AEBP2: variants seen among roughly 807,000 people sequenced by gnomAD.
AEBP2 encodes zinc finger protein AEBP2.
In AEBP2, 10 loss-of-function variants were observed where a neutral mutation model predicts 50.8. The ratio of observed to expected loss-of-function variants is 0.20; its 90% CI spans 0.12 to 0.33. The LOEUF is 0.33. Ranked by LOEUF, AEBP2 falls within the 10% of genes least tolerant of loss-of-function variation. The pLI is 1.00. For synonymous variants in AEBP2, 296 were observed against 261.3 expected, an observed-to-expected ratio of 1.13 and a Z score of -1.28; for missense variants, 570 against 688.0, an observed-to-expected ratio of 0.83 and a Z score of 1.92.
chr12:19,429,080 A>G (rs2095750081), intron 1 of AEBP2, among the ~76,000 whole-genome samples: 1 of 151,928 alleles, frequency 6.6e-6, no homozygotes, highest in South Asian at 2.1e-4. Context: ...GCATCTATTA[A>G]CTCGTCATTT....
chr12:19,442,445 T>TTA (rs1190382618), intron 1 of AEBP2, among the ~76,000 whole-genome samples: 1 of 152,172 alleles, frequency 6.6e-6, no homozygotes, highest in East Asian at 1.9e-4. Flanking sequence ...AGTTTTGTTT[T>TTA]TAGTTAGTGT....
In AEBP2 at chr12:19,439,600, C is replaced by G. The variant is rs1271476131; in HGVS notation, c.-100C>G. On this transcript the variant is annotated 5_prime_UTR_variant, in exon 1 of 8. Transcript: ENST00000266508. ...CCCTCCTCCTGCTCTGCAGCGGCGT[C>G]GGCGGAGTTTTGGGCGTTTGGGAGG... is the stretch of plus-strand genomic sequence containing the variant. 1 of 1,417,802 alleles carries G rather than the reference C, an allele frequency of 7.1e-7. No homozygotes were observed. Among genetic ancestry groups the G allele is most frequent in the Non-Finnish European group, 9.3e-7 (1 of 1,071,958 alleles). 87.8% of individuals were successfully genotyped at this position (1,417,802 alleles called of 1,614,324 possible). A position where few individuals can be genotyped will look rare whatever the true frequency, so the allele number is the denominator to read the frequency against.
rs755977796 is a variant in AEBP2, at chr12:19,481,647, T to G, written c.987+8292T>G. 1.2e-3 allele frequency among the ~76,000 whole-genome samples: 183 copies of G among 152,148 alleles called. 1 individual carries two copies. Among genetic ancestry groups the G allele is most frequent in the Non-Finnish European group, 2.3e-3 (159 of 68,002 alleles). On this transcript the variant is annotated intron_variant, in intron 3 of 7. Transcript: ENST00000266508. Reference sequence around the variant, plus strand: ...GCACTTGCCAACATGCCTGGCTAAATTTTGTATTTTTAGTAGAGACGGGGT... The same window carrying G: ...GCACTTGCCAACATGCCTGGCTAAAGTTTGTATTTTTAGTAGAGACGGGGT...
At chr12:19,420,711 G>C (rs1339336629) in intron 1 of AEBP2, among the ~76,000 whole-genome samples, 1 of 151,926 alleles carries the variant, frequency 6.6e-6, no homozygotes, top group African/African-American at 2.4e-5. Flanking sequence ...TCCAATTTAC[G>C]TTCCATGTCC....
chr12:19,453,069 C>T (rs1300172944), intron 1 of AEBP2, among the ~76,000 whole-genome samples: 13 of 148,978 alleles, frequency 8.7e-5, no homozygotes, highest in Admixed American at 3.4e-4. Flanking sequence ...CCCAGGTTCA[C>T]GCCATTCTCC....
At chr12:19,451,168 T>C (rs1456626629) in intron 1 of AEBP2, among the ~76,000 whole-genome samples, 1 of 152,210 alleles carries the variant, frequency 6.6e-6, no homozygotes, top group Non-Finnish European at 1.5e-5. Context: ...TTTAGTAGTT[T>C]AAAACGACAG....
intron 5 of AEBP2, among the ~76,000 whole-genome samples, chr12:19,504,495 C>T (rs377211957): frequency 7.9e-5 from 12 of 152,138 alleles, no homozygotes; most frequent in African/African-American, 2.9e-4. Context: ...CCACCTCGGC[C>T]TCCCAAAGCC....
At chr12:19,492,662 G>A (rs921166211) in intron 3 of AEBP2, among the ~76,000 whole-genome samples, 2 of 152,036 alleles carry the variant, frequency 1.3e-5, no homozygotes, top group Non-Finnish European at 2.9e-5. Flanking sequence ...TGAAGTTTAA[G>A]AAATTTATAA....
At chr12:19,489,064 C>T (rs557735985) in intron 3 of AEBP2, among the ~76,000 whole-genome samples, 11 of 152,310 alleles carry the variant, frequency 7.2e-5, no homozygotes, top group African/African-American at 2.6e-4. Context: ...GCTGGGATTA[C>T]AGGCGTGAGC....
chr12:19,518,501 A>G lies in AEBP2; in HGVS notation c.*384A>G, dbSNP rs2120647994. 3 of 1,250,928 alleles carry G rather than the reference A, an allele frequency of 2.4e-6. No homozygotes were observed. Among genetic ancestry groups the G allele is most frequent in the African/African-American group, 1.5e-5 (1 of 64,684 alleles). 77.5% of individuals were successfully genotyped at this position (1,250,928 alleles called of 1,614,324 possible). The stretch of plus-strand genomic sequence containing the variant: ...GTTTATATTGGAAAGAAAAACAATT[A>G]CAACATGTGCCCTTACAAATACCAA... On this transcript the variant is annotated 3_prime_UTR_variant, in exon 8 of 8. Coordinates refer to ENST00000266508, the MANE Select transcript of AEBP2 (RefSeq NM_153207.5).
chr12:19,493,062 G>A (rs975799585), intron 3 of AEBP2, among the ~76,000 whole-genome samples: 3 of 152,150 alleles, frequency 2.0e-5, no homozygotes, highest in Admixed American at 2.0e-4. Context: ...TGTAACACTA[G>A]GAAGTCTGCT....
intron 1 of AEBP2, among the ~76,000 whole-genome samples, chr12:19,450,955 A>G (rs969137900): frequency 2.0e-5 from 3 of 150,084 alleles, no homozygotes; most frequent in African/African-American, 7.4e-5. Flanking sequence ...AATTCATTCA[A>G]GTTTCTCCTT....
intron 1 of AEBP2, among the ~76,000 whole-genome samples, chr12:19,446,867 C>T (rs1225365843): frequency 6.6e-6 from 1 of 152,004 alleles, no homozygotes; most frequent in Non-Finnish European, 1.5e-5. Flanking sequence ...TCTGAGGCTG[C>T]AGTGAGCTGT....
At chr12:19,407,000 T>A (rs1015728922) in intron 1 of AEBP2, among the ~76,000 whole-genome samples, 9 of 152,322 alleles carry the variant, frequency 5.9e-5, no homozygotes, top group Middle Eastern at 3.4e-3. Flanking sequence ...AGAAATTTTT[T>A]ACGTTTAAAA....
Position 19,519,258 on chromosome 12 carries a change from T to A in AEBP2, c.*1141T>A, listed in dbSNP as rs1177838542. 6.6e-6 allele frequency: 1 copy of A among 152,598 alleles called. No homozygotes were observed. Among genetic ancestry groups the A allele is most frequent in the Non-Finnish European group, 1.5e-5 (1 of 67,996 alleles). 9.5% of individuals were successfully genotyped at this position (152,598 alleles called of 1,614,324 possible). A position where few individuals can be genotyped will look rare whatever the true frequency, so the allele number is the denominator to read the frequency against. ...TTTATATTTTGAAATGTACTGTAGATGTTTTCTAGAGGCATGAAAGTTAAA... is the reference window on the plus strand; with the variant it reads ...TTTATATTTTGAAATGTACTGTAGAAGTTTTCTAGAGGCATGAAAGTTAAA... On this transcript the variant is annotated 3_prime_UTR_variant, in exon 8 of 8. Coordinates refer to ENST00000266508, the MANE Select transcript of AEBP2 (RefSeq NM_153207.5).
intron 5 of AEBP2, chr12:19,509,075 G>T: frequency 1.7e-6 from 1 of 583,344 alleles, no homozygotes. Context: ...AGGGGTTCGT[G>T]CTGTGAGACC....
chr12:19,510,799 C>T (rs1949221358), intron 5 of AEBP2, among the ~76,000 whole-genome samples: 1 of 149,624 alleles, frequency 6.7e-6, no homozygotes. Context: ...CCTAATGAGA[C>T]ATGTTACAGT....
intron 3 of AEBP2, among the ~76,000 whole-genome samples, chr12:19,491,871 T>C (rs1414961298): frequency 6.6e-6 from 1 of 152,108 alleles, no homozygotes; most frequent in Non-Finnish European, 1.5e-5. Flanking sequence ...AGATATGCAG[T>C]GAAGTGTGAG....
At chr12:19,499,269 T>C (rs1949031610) in intron 4 of AEBP2, among the ~76,000 whole-genome samples, 1 of 152,198 alleles carries the variant, frequency 6.6e-6, no homozygotes, top group African/African-American at 2.4e-5. Flanking sequence ...TGTAATTTTA[T>C]TAGATCATTG....
Sources: allele counts gnomAD v4.1 joint callset (sites outside exome capture counted in the v4.1 genomes callset), GRCh38; gene constraint gnomAD v4.1.1; transcripts MANE v1.5; gene names NCBI Gene and HGNC (gene_info 2026-07-23, HGNC 2026-07-21).